ROBO1: variants seen among roughly 807,000 people sequenced by gnomAD.
ROBO1 encodes the protein roundabout guidance receptor 1.
Under a neutral mutation model 195.9 loss-of-function variants are expected in ROBO1, and 149 were observed. The observed-to-expected ratio is 0.76, with a 90% confidence interval of 0.67 to 0.87. ROBO1 has a LOEUF of 0.87. ROBO1 is among the 40% of genes least tolerant of loss of function. The pLI is 0.00. For missense variants in ROBO1, 1,933 were observed against 2,068.3 expected (o/e 0.93, Z 1.27); for synonymous variants, 816 against 733.2 (o/e 1.11, Z -1.82).
At chr3:78,997,311 T>C (rs555344592) in intron 3 of ROBO1, among the ~76,000 whole-genome samples, 18 of 152,292 alleles carry the variant, frequency 1.2e-4, no homozygotes, top group Non-Finnish European at 2.2e-4. Context: ...ACAGGATTGA[T>C]TGTTTCTCTG....
chr3:79,339,924 C>T (rs1401073580), intron 2 of ROBO1, among the ~76,000 whole-genome samples: 1 of 152,188 alleles, frequency 6.6e-6, no homozygotes, highest in Non-Finnish European at 1.5e-5. Context: ...ATTTCTGGCT[C>T]TTGGCTGACT....
intron 3 of ROBO1, among the ~76,000 whole-genome samples, chr3:78,945,386 G>A (rs112829980): frequency 7.9e-5 from 12 of 152,230 alleles, no homozygotes; most frequent in South Asian, 2.1e-4. Context: ...TGCAGACACC[G>A]CTGCTGATAC....
chr3:79,008,522 C>T (rs906883881), intron 3 of ROBO1, among the ~76,000 whole-genome samples: 1 of 151,272 alleles, frequency 6.6e-6, no homozygotes, highest in Non-Finnish European at 1.5e-5. Context: ...TGTGTGTATA[C>T]ATATATATAG....
chr3:79,450,875 A>G (rs1167073800), intron 2 of ROBO1, among the ~76,000 whole-genome samples: 1 of 152,104 alleles, frequency 6.6e-6, no homozygotes, highest in East Asian at 1.9e-4. Context: ...AAATGAAAAT[A>G]GTAATTATTC....
At chr3:78,784,254 GAAT>G (rs2083765085) in intron 4 of ROBO1, among the ~76,000 whole-genome samples, 1 of 151,884 alleles carries the variant, frequency 6.6e-6, no homozygotes, top group Non-Finnish European at 1.5e-5. Context: ...TGTAGAATAG[GAAT>G]AATAATTATT....
chr3:78,687,530 A>G (rs1042235302), intron 9 of ROBO1, among the ~76,000 whole-genome samples: 1 of 152,194 alleles, frequency 6.6e-6, no homozygotes, highest in African/African-American at 2.4e-5. Context: ...AACACCCACG[A>G]CTGATTTAAG....
rs146815159 is a variant in ROBO1, at chr3:78,895,644, AT to A, written c.499+42956del. On this transcript the variant is annotated intron_variant, in intron 4 of 30. Coordinates refer to ENST00000464233, the MANE Select transcript of ROBO1 (RefSeq NM_002941.4). ...CAACATTTTCCTTGGAAGAAAAATG[AT>A]TTGTTCTTTGGCAAGATTTGGCATT... 5.3e-3 allele frequency among the ~76,000 whole-genome samples: 809 copies of A among 152,336 alleles called. 8 individuals are homozygous for A. Among genetic ancestry groups the A allele is most frequent in the African/African-American group, 0.019 (778 of 41,600 alleles).
intron 3 of ROBO1, among the ~76,000 whole-genome samples, chr3:78,947,409 G>T (rs1208165718): frequency 6.6e-6 from 1 of 152,188 alleles, no homozygotes; most frequent in Non-Finnish European, 1.5e-5. Flanking sequence ...TGAAATACCT[G>T]CTCCTGAATG....
rs750822160 is a variant in ROBO1, at chr3:79,589,826, G to C, written c.86C>G (p.Pro29Arg). 1.2e-6 allele frequency: 2 copies of C among 1,609,448 alleles called. No homozygotes were observed. The highest frequency in any genetic ancestry group is 8.5e-7 in the Non-Finnish European group (1 of 1,176,580). Residue 29 changes from proline (P) to arginine (R), a missense_variant and splice_region_variant, in exon 2 of 31, where the codon CCA (proline) becomes CGA (arginine). This residue lies in a region of ROBO1 where 185 missense variants were observed against 159.5 expected (regional missense o/e 1.16). Coordinates refer to ENST00000464233, the MANE Select transcript of ROBO1 (RefSeq NM_002941.4). ...TGAAACAAATGCACAGCACTTACCT[G>C]GAATAAGCTGGGCCAGAAACAGGTG... ...PNHLFLAQLIPDPEDVERGND... is the reference protein window; with the variant it reads ...PNHLFLAQLIRDPEDVERGND...
At chr3:79,027,933 C>T (rs746215836) in intron 3 of ROBO1, among the ~76,000 whole-genome samples, 3 of 151,914 alleles carry the variant, frequency 2.0e-5, no homozygotes, top group Admixed American at 1.3e-4. Context: ...AATCTTATCA[C>T]CAAAAACAGG....
chr3:79,764,828 A>G (rs1209383998), intron 1 of ROBO1, among the ~76,000 whole-genome samples: 1 of 152,214 alleles, frequency 6.6e-6, no homozygotes, highest in East Asian at 1.9e-4. Context: ...ATACAGAACA[A>G]TGCAGTTCTC....
intron 1 of ROBO1, among the ~76,000 whole-genome samples, chr3:79,729,103 T>C (rs941258131): frequency 6.6e-6 from 1 of 152,232 alleles, no homozygotes; most frequent in Non-Finnish European, 1.5e-5. Flanking sequence ...TCTTAATGAA[T>C]AGCCATGTAA....
intron 1 of ROBO1, among the ~76,000 whole-genome samples, chr3:79,636,352 C>T (rs1354506707): frequency 6.6e-6 from 1 of 151,984 alleles, no homozygotes; most frequent in Non-Finnish European, 1.5e-5. Flanking sequence ...GGGAGCAAAC[C>T]TCTTGAAATT....
chr3:79,305,556 T>G (rs1407699559), intron 2 of ROBO1, among the ~76,000 whole-genome samples: 5 of 151,706 alleles, frequency 3.3e-5, no homozygotes. Context: ...CAATACATTT[T>G]AGAAAATATT....
chr3:79,717,354 C>T (rs569802283), intron 1 of ROBO1, among the ~76,000 whole-genome samples: 14 of 151,992 alleles, frequency 9.2e-5, no homozygotes, highest in African/African-American at 3.4e-4. Flanking sequence ...AGAGAACATA[C>T]ACTTTTATTT....
At chr3:79,148,703 A>G (rs967746674) in intron 2 of ROBO1, among the ~76,000 whole-genome samples, 5 of 151,872 alleles carry the variant, frequency 3.3e-5, no homozygotes, top group African/African-American at 1.2e-4. Flanking sequence ...TCATCATTAA[A>G]TTTAAAAAGC....
intron 4 of ROBO1, among the ~76,000 whole-genome samples, chr3:78,824,475 A>G (rs1217220719): frequency 6.6e-6 from 1 of 152,114 alleles, no homozygotes; most frequent in Non-Finnish European, 1.5e-5. Context: ...CCTCTTTTTG[A>G]ACAAAATATA....
intron 2 of ROBO1, among the ~76,000 whole-genome samples, chr3:79,248,648 T>A (rs2082668792): frequency 6.6e-6 from 1 of 152,188 alleles, no homozygotes; most frequent in African/African-American, 2.4e-5. Flanking sequence ...GAGGCAGTGC[T>A]GGAAGCAGAG....
rs181742335 is a variant in ROBO1, at chr3:79,378,858, G to T, written c.88+210966C>A. Among the ~76,000 whole-genome samples the T allele has an allele frequency of 5.8e-4, 88 of 152,300 alleles. 1 individual carries two copies. Among genetic ancestry groups the T allele is most frequent in the South Asian group, 1.0e-3 (5 of 4,824 alleles). The stretch of plus-strand genomic sequence containing the variant: ...AAGAGCAATGGAGCAGGGAAAGGCT[G>T]AGCATCAGTTTCAGCTCCGCCTCTT... On this transcript the variant is annotated intron_variant, in intron 2 of 30. Coordinates refer to ENST00000464233, the MANE Select transcript of ROBO1 (RefSeq NM_002941.4).
Sources: gnomAD v4.1 joint callset for allele counts (sites outside exome capture counted in the v4.1 genomes callset) on GRCh38, gnomAD v4.1.1 for gene constraint, gnomAD v4.1.1 regional missense constraint, MANE v1.5 for transcripts, NCBI Gene and HGNC (gene_info 2026-07-23, HGNC 2026-07-21) for gene names.